LHFPL7: variants seen among roughly 807,000 people sequenced by gnomAD.
The protein encoded by LHFPL7 is LHFPL tetraspan subfamily member 7, also known as LHFPL tetraspan subfamily member 7 protein.
chr22:24,937,280 A>G, the LHFPL7 span, among the ~76,000 whole-genome samples: 5 of 152,216 alleles, frequency 3.3e-5, no homozygotes, highest in African/African-American at 1.2e-4. Flanking sequence ...GAGTAGCAAG[A>G]CCTGTGAAAA....
chr22:24,942,269 C>T, the LHFPL7 span, among the ~76,000 whole-genome samples: 1 of 152,198 alleles, frequency 6.6e-6, no homozygotes, highest in Non-Finnish European at 1.5e-5. Flanking sequence ...GCTGGGATTA[C>T]AGGTGTGAGC....
the LHFPL7 span, chr22:24,946,455 T>C: frequency 1.6e-5 from 2 of 122,336 alleles, no homozygotes; most frequent in Non-Finnish European, 3.2e-5. Flanking sequence ...TTGTATGTCA[T>C]TTCAGAGGCT....
At chr22:24,941,271 C>G in the LHFPL7 span, among the ~76,000 whole-genome samples, 1 of 151,842 alleles carries the variant, frequency 6.6e-6, no homozygotes, top group Non-Finnish European at 1.5e-5. Context: ...CAGATTCAAA[C>G]AGTTCCCCTG....
At chr22:24,938,948 G>A in the LHFPL7 span, among the ~76,000 whole-genome samples, 4 of 152,334 alleles carry the variant, frequency 2.6e-5, no homozygotes, top group African/African-American at 9.6e-5. Flanking sequence ...TGACTTTCCA[G>A]CAGATGGCAG....
chr22:24,940,664 TCC>T, the LHFPL7 span, among the ~76,000 whole-genome samples: 6 of 125,176 alleles, frequency 4.8e-5, no homozygotes, highest in African/African-American at 1.9e-4. Flanking sequence ...CTTCCTTCCT[TCC>T]TTCCTTCCCT....
chr22:24,939,018 G>A, the LHFPL7 span, among the ~76,000 whole-genome samples: 5 of 152,180 alleles, frequency 3.3e-5, no homozygotes, highest in Admixed American at 6.5e-5. Flanking sequence ...TACATTGGCC[G>A]GCAGCTGCCT....
chr22:24,941,243 A>G, the LHFPL7 span, among the ~76,000 whole-genome samples: 1 of 151,182 alleles, frequency 6.6e-6, no homozygotes, highest in Admixed American at 6.6e-5. Flanking sequence ...ATGTCGGCTC[A>G]TTGCAACCTC....
the LHFPL7 span, among the ~76,000 whole-genome samples, chr22:24,940,667 TTCCTTC>T: frequency 5.0e-5 from 6 of 120,752 alleles, no homozygotes; most frequent in African/African-American, 2.1e-4. Flanking sequence ...CCTTCCTTCC[TTCCTTC>T]CCTCCTTCCT....
the LHFPL7 span, chr22:24,938,147 A>T: frequency 6.2e-7 from 1 of 1,612,494 alleles, no homozygotes; most frequent in South Asian, 1.1e-5. Context: ...CATTGGATTT[A>T]CCTGCCACTG....
At chr22:24,935,223 C>T in the LHFPL7 span, 2 of 1,433,396 alleles carry the variant, frequency 1.4e-6, no homozygotes, top group Admixed American at 2.2e-5. Context: ...GGTAAAGTGG[C>T]TTGCCTGAAG....
At chr22:24,945,226 T>C in the LHFPL7 span, among the ~76,000 whole-genome samples, 2 of 152,202 alleles carry the variant, frequency 1.3e-5, no homozygotes, top group East Asian at 3.9e-4. Flanking sequence ...GTGAGTGTGG[T>C]AGGGAGTCTA....
At chr22:24,938,070 C>CTCATTCAT in the LHFPL7 span, 290,113 of 1,496,846 alleles carry the variant, frequency 0.19, 30,397 homozygotes, top group East Asian at 0.52. Context: ...TGCTCACAGA[C>CTCATTCAT]TCATTCATTC....
the LHFPL7 span, among the ~76,000 whole-genome samples, chr22:24,941,253 C>T: frequency 6.6e-6 from 1 of 151,948 alleles, no homozygotes; most frequent in African/African-American, 2.4e-5. Flanking sequence ...ATTGCAACCT[C>T]TGCCTCCCAG....
the LHFPL7 span, among the ~76,000 whole-genome samples, chr22:24,940,785 C>T: frequency 2.1e-5 from 3 of 144,128 alleles, no homozygotes; most frequent in Non-Finnish European, 4.6e-5. Flanking sequence ...TTCCCTCTCT[C>T]TCTCTTTCTT....
chr22:24,944,409 T>C, the LHFPL7 span, among the ~76,000 whole-genome samples: 4 of 151,914 alleles, frequency 2.6e-5, no homozygotes, highest in African/African-American at 9.7e-5. Context: ...AAGAAGGTGA[T>C]GGAGGGAGCC....
the LHFPL7 span, among the ~76,000 whole-genome samples, chr22:24,940,545 G>A: frequency 6.6e-6 from 1 of 150,896 alleles, no homozygotes; most frequent in Non-Finnish European, 1.5e-5. Context: ...GCAGTGAGCC[G>A]AGATCGCACC....
chr22:24,935,289 A>ACAC, the LHFPL7 span: 8 of 1,570,784 alleles, frequency 5.1e-6, no homozygotes, highest in East Asian at 1.6e-4. Flanking sequence ...TGATGATTTC[A>ACAC]TAAAACTCTG....
At chr22:24,935,461 G>A in the LHFPL7 span, 14 of 1,613,870 alleles carry the variant, frequency 8.7e-6, no homozygotes, top group Non-Finnish European at 1.1e-5. Context: ...ACTGCATTGA[G>A]GATAGCAGTC....
the LHFPL7 span, chr22:24,935,347 C>A: frequency 6.2e-7 from 1 of 1,612,324 alleles, no homozygotes; most frequent in South Asian, 1.1e-5. Flanking sequence ...TTGTTCATTT[C>A]TGGCACAAAG....
Sources: gnomAD v4.1 joint callset for allele counts (sites outside exome capture counted in the v4.1 genomes callset) on GRCh38, gnomAD v4.1.1 for gene constraint, MANE v1.5 for transcripts, NCBI Gene and HGNC (gene_info 2026-07-23, HGNC 2026-07-21) for gene names.